Variants in OSBPL6 observed in about 807,000 individuals in gnomAD.
The protein encoded by OSBPL6 is oxysterol binding protein like 6.
In OSBPL6, 49 loss-of-function variants were observed where a neutral mutation model predicts 125.8. That is an observed-to-expected ratio of 0.39 (90% confidence interval 0.31 to 0.49). The LOEUF is 0.49. Ranked by LOEUF, OSBPL6 falls within the 20% of genes least tolerant of loss-of-function variation. The probability of loss-of-function intolerance (pLI) is 0.88; values close to 1 mark genes in which losing one functional copy is unlikely to be tolerated. For missense variants in OSBPL6, 986 were observed against 1,135.4 expected (o/e 0.87, Z 1.89); for synonymous variants, 394 against 391.8 (o/e 1.01, Z -0.07).
At chr2:178,370,351 A>G (rs1693259759) in intron 13 of OSBPL6, among the ~76,000 whole-genome samples, 1 of 152,244 alleles carries the variant, frequency 6.6e-6, no homozygotes, top group South Asian at 2.1e-4. Context: ...CATGACACCA[A>G]AGCATATCTG....
chr2:178,253,071 G>C (rs1377675882), intron 1 of OSBPL6, among the ~76,000 whole-genome samples: 1 of 151,854 alleles, frequency 6.6e-6, no homozygotes, highest in Non-Finnish European at 1.5e-5. Context: ...GCCCAGGCTG[G>C]AGTGCAATGG....
Position 178,402,383 on chromosome 2 carries a change from C to G in OSBPL6, c.*6824C>G, listed in dbSNP as rs991750130. 6.6e-6 allele frequency: 1 copy of G among 152,196 alleles called. No individual in the cohort carries two copies. The highest frequency in any genetic ancestry group is 2.4e-5 in the African/African-American group (1 of 41,444). 9.4% of individuals were successfully genotyped at this position (152,196 alleles called of 1,614,324 possible). On this transcript the variant is annotated 3_prime_UTR_variant, in exon 25 of 25. Transcript: ENST00000190611. ...CAGTACCCCCACCTCACCTTCCATTCTCTCTTAGGCTTTGTCTATGTCTCT... is the reference window on the plus strand; with the variant it reads ...CAGTACCCCCACCTCACCTTCCATTGTCTCTTAGGCTTTGTCTATGTCTCT...
At chr2:178,302,323 T>C (rs1686368611) in intron 2 of OSBPL6, among the ~76,000 whole-genome samples, 1 of 152,216 alleles carries the variant, frequency 6.6e-6, no homozygotes, top group Non-Finnish European at 1.5e-5. Context: ...ATGTTGGTGT[T>C]GTGTTGACTT....
At chr2:178,240,981 A>C (rs1298946831) in intron 1 of OSBPL6, among the ~76,000 whole-genome samples, 1 of 152,122 alleles carries the variant, frequency 6.6e-6, no homozygotes, top group Non-Finnish European at 1.5e-5. Flanking sequence ...TTATTGACTA[A>C]ATAATGTGAT....
At chr2:178,211,868 A>C (rs1479971834) in intron 1 of OSBPL6, among the ~76,000 whole-genome samples, 1 of 152,104 alleles carries the variant, frequency 6.6e-6, no homozygotes, top group East Asian at 1.9e-4. Flanking sequence ...TAGGAACTCT[A>C]ACTCTGTTAT....
intron 2 of OSBPL6, among the ~76,000 whole-genome samples, chr2:178,286,479 A>G (rs1021080274): frequency 3.3e-5 from 5 of 152,242 alleles, no homozygotes; most frequent in Admixed American, 2.0e-4. Flanking sequence ...ATTATTTTAT[A>G]TAAAATGTAT....
At chr2:178,340,487 T>G (rs1175858404) in intron 11 of OSBPL6, among the ~76,000 whole-genome samples, 2 of 152,092 alleles carry the variant, frequency 1.3e-5, no homozygotes, top group African/African-American at 2.4e-5. Flanking sequence ...TGAGTAATGT[T>G]CTTAAAGTAA....
Position 178,209,343 on chromosome 2 carries a change from C to T in OSBPL6, c.-351+14669C>T, listed in dbSNP as rs375312228. On this transcript the variant is annotated intron_variant, in intron 1 of 24. Transcript: ENST00000190611. ...CTGGGTGATTTCCTCAACTTTATTT[C>T]CCTTTTCCTCTTTTTATTTTCTGGG... 1.3e-4 allele frequency among the ~76,000 whole-genome samples: 19 copies of T among 151,818 alleles called. No homozygotes were observed. The East Asian group carries it at 3.7e-3, about 29-fold the overall frequency.
chr2:178,392,681 C>T, intron 23 of OSBPL6, 143 bp downstream of exon 23: 2 of 1,072,492 alleles, frequency 1.9e-6, no homozygotes, highest in Non-Finnish European at 2.6e-6. Context: ...TATAGTGAGA[C>T]TCTATATCTC....
At chr2:178,342,989 G>T (rs1006538807) in intron 11 of OSBPL6, among the ~76,000 whole-genome samples, 12 of 151,900 alleles carry the variant, frequency 7.9e-5, no homozygotes, top group Non-Finnish European at 1.5e-5. Flanking sequence ...TTTTTTTGTG[G>T]AAAACAGATT....
At chr2:178,315,626 T>C (rs1687665181) in intron 3 of OSBPL6, among the ~76,000 whole-genome samples, 2 of 152,204 alleles carry the variant, frequency 1.3e-5, no homozygotes, top group Non-Finnish European at 2.9e-5. Context: ...CTTTGGAGGT[T>C]ATCTCTTGTT....
chr2:178,315,867 A>G (rs1170612473), intron 3 of OSBPL6, among the ~76,000 whole-genome samples: 1 of 152,186 alleles, frequency 6.6e-6, no homozygotes, highest in Non-Finnish European at 1.5e-5. Context: ...CAGTTTTGGA[A>G]ATGATCACTT....
At position 178,314,517 on chromosome 2, in the gene OSBPL6, C is replaced by T. The variant is rs572052215; in HGVS notation, c.102+8231C>T. Among the ~76,000 whole-genome samples the T allele has an allele frequency of 6.6e-5, 10 of 152,288 alleles. No individual in the cohort carries two copies. The East Asian group carries it at 1.9e-3, about 29-fold the overall frequency. On this transcript the variant is annotated intron_variant, in intron 3 of 24. Transcript: ENST00000190611. ...TTAGCCTTTTTGGGAATCCACTCAT[C>T]CCATGGAATCAACTTTTTGGGACTT...
intron 12 of OSBPL6, among the ~76,000 whole-genome samples, chr2:178,358,898 A>G (rs1338012008): frequency 6.6e-6 from 1 of 152,220 alleles, no homozygotes; most frequent in South Asian, 2.1e-4. Flanking sequence ...CTTAATATCC[A>G]GGATGTATAA....
At chr2:178,311,536 A>T (rs1687267791) in intron 3 of OSBPL6, among the ~76,000 whole-genome samples, 1 of 152,226 alleles carries the variant, frequency 6.6e-6, no homozygotes, top group African/African-American at 2.4e-5. Flanking sequence ...TTCACTCAAT[A>T]ATGTATTCCT....
chr2:178,261,154 A>G (rs989995183), intron 1 of OSBPL6, among the ~76,000 whole-genome samples: 1 of 151,738 alleles, frequency 6.6e-6, no homozygotes, highest in Non-Finnish European at 1.5e-5. Context: ...TACAAACAAA[A>G]CAAAACAACA....
intron 1 of OSBPL6, among the ~76,000 whole-genome samples, chr2:178,200,271 A>C (rs912341475): frequency 2.9e-5 from 2 of 69,406 alleles, no homozygotes; most frequent in African/African-American, 1.5e-4. Flanking sequence ...TTTTTTTTTG[A>C]GATGGAGTCT....
At chr2:178,252,597 G>A (rs2091736292) in intron 1 of OSBPL6, among the ~76,000 whole-genome samples, 1 of 152,018 alleles carries the variant, frequency 6.6e-6, no homozygotes, top group Admixed American at 6.5e-5. Flanking sequence ...GGAGGTCAGT[G>A]GTCTTTGTTA....
intron 2 of OSBPL6, among the ~76,000 whole-genome samples, chr2:178,286,808 CAGAGAACA>C (rs1684733877): frequency 6.6e-6 from 1 of 152,162 alleles, no homozygotes; most frequent in Non-Finnish European, 1.5e-5. Context: ...CAGGGCGACT[CAGAGAACA>C]GTAATGCTAT....
Sources: allele counts gnomAD v4.1 joint callset (sites outside exome capture counted in the v4.1 genomes callset), GRCh38; gene constraint gnomAD v4.1.1; transcripts MANE v1.5; gene names NCBI Gene and HGNC (gene_info 2026-07-23, HGNC 2026-07-21).